GABRG3: variants seen among roughly 807,000 people sequenced by gnomAD.
GABRG3 encodes the protein gamma-aminobutyric acid receptor subunit gamma-3.
A neutral mutation model predicts 48.8 loss-of-function variants in GABRG3; 25 were observed. The ratio of observed to expected loss-of-function variants is 0.51; its 90% confidence interval spans 0.37 to 0.72. The LOEUF is 0.72. Among genes scored for constraint, GABRG3 ranks in the 30% least tolerant of loss-of-function variants. The pLI is 0.00. For synonymous variants in GABRG3, 227 were observed against 217.6 expected (o/e 1.04, Z -0.38); for missense variants, 394 against 577.9 (o/e 0.68, Z 3.26).
intron 5 of GABRG3, among the ~76,000 whole-genome samples, chr15:27,471,145 G>A (rs776441860): frequency 1.4e-4 from 22 of 152,134 alleles, no homozygotes; most frequent in Admixed American, 3.3e-4. Flanking sequence ...GATCGTTTAG[G>A]GGGTGGGGGC....
intron 5 of GABRG3, among the ~76,000 whole-genome samples, chr15:27,342,328 G>T (rs1156969063): frequency 6.6e-6 from 1 of 152,244 alleles, no homozygotes; most frequent in African/African-American, 2.4e-5. Context: ...CACAGCTAGT[G>T]TGTGGTTGAG....
rs895843632 is a variant in GABRG3, at chr15:27,533,996, C to A, written c.*1115C>A. 6.6e-6 allele frequency: 1 copy of A among 151,948 alleles called. No individual in the cohort carries two copies. The highest frequency in any genetic ancestry group is 2.4e-5 in the African/African-American group (1 of 41,332). The allele number at this position is 151,948 out of a possible 1,614,324, so 9.4% of individuals were successfully genotyped here. ...GGGACTACAGGTGTGCGCTACCACA[C>A]CCGGCTAATTTTTGTATTTTTGTTT... On this transcript the variant is annotated 3_prime_UTR_variant, in exon 10 of 10. Transcript: ENST00000615808.
At chr15:27,143,832 C>T (rs973624321) in intron 3 of GABRG3, among the ~76,000 whole-genome samples, 4 of 152,164 alleles carry the variant, frequency 2.6e-5, no homozygotes, top group Non-Finnish European at 5.9e-5. Flanking sequence ...TTATGTGTCC[C>T]TCTCTCAATC....
intron 5 of GABRG3, among the ~76,000 whole-genome samples, chr15:27,358,462 G>T (rs999132093): frequency 1.3e-5 from 2 of 152,062 alleles, no homozygotes; most frequent in Non-Finnish European, 2.9e-5. Context: ...TCAAGACGGG[G>T]AGGGAAGTGC....
intron 5 of GABRG3, among the ~76,000 whole-genome samples, chr15:27,416,596 G>A (rs1887947455): frequency 1.3e-5 from 2 of 152,168 alleles, no homozygotes; most frequent in Admixed American, 1.3e-4. Context: ...CAAAAGTGAG[G>A]GGGTTTTCGA....
rs540911327 is a variant in GABRG3 at position 27,286,303 on chromosome 15, G to A, written c.271-40506G>A. On this transcript the variant is annotated intron_variant, in intron 3 of 9. Coordinates refer to ENST00000615808, the MANE Select transcript of GABRG3 (RefSeq NM_033223.5). ...GCCACTTCTCTCCAGCATAAAGCAG[G>A]TGATGATGGTTCAGTTTGGAAGGTC... 3.0e-4 allele frequency among the ~76,000 whole-genome samples: 45 copies of A among 152,344 alleles called. 1 individual carries two copies. In the South Asian group the frequency reaches 8.7e-3, roughly 29 times the overall value.
At chr15:27,061,486 C>T (rs951902987) in intron 3 of GABRG3, among the ~76,000 whole-genome samples, 2 of 150,442 alleles carry the variant, frequency 1.3e-5, no homozygotes, top group South Asian at 2.1e-4. Context: ...TCATATTTTG[C>T]CCTTTCACTA....
chr15:27,404,903 G>T (rs1887586154), intron 5 of GABRG3, among the ~76,000 whole-genome samples: 1 of 152,210 alleles, frequency 6.6e-6, no homozygotes, highest in African/African-American at 2.4e-5. Context: ...GGCTCTTTCT[G>T]CTCTGTCATG....
intron 6 of GABRG3, among the ~76,000 whole-genome samples, chr15:27,515,241 C>T (rs1890991053): frequency 6.6e-6 from 1 of 151,780 alleles, no homozygotes; most frequent in Non-Finnish European, 1.5e-5. Context: ...TACAGGCATC[C>T]ACCACCACAC....
chr15:27,299,698 G>A (rs1261711081), intron 3 of GABRG3, among the ~76,000 whole-genome samples: 1 of 152,140 alleles, frequency 6.6e-6, no homozygotes, highest in Non-Finnish European at 1.5e-5. Flanking sequence ...GAAACTCTGA[G>A]ACAGAGGGAC....
At chr15:27,513,913 C>T (rs1890959639) in intron 6 of GABRG3, among the ~76,000 whole-genome samples, 1 of 152,110 alleles carries the variant, frequency 6.6e-6, no homozygotes, top group Non-Finnish European at 1.5e-5. Flanking sequence ...AAAAGACTTG[C>T]CAAAGCTTTA....
At chr15:27,439,697 T>C (rs1211157367) in intron 5 of GABRG3, among the ~76,000 whole-genome samples, 1 of 152,184 alleles carries the variant, frequency 6.6e-6, no homozygotes, top group Non-Finnish European at 1.5e-5. Context: ...CAAGACAGTG[T>C]ACACAGCACA....
intron 2 of GABRG3, among the ~76,000 whole-genome samples, chr15:27,005,883 G>A (rs1895574637): frequency 6.6e-6 from 1 of 152,136 alleles, no homozygotes; most frequent in African/African-American, 2.4e-5. Context: ...CTTTGGAAGT[G>A]GAACTACTTG....
intron 3 of GABRG3, among the ~76,000 whole-genome samples, chr15:27,269,812 C>CT (rs1419158667): frequency 6.6e-6 from 1 of 152,118 alleles, no homozygotes; most frequent in Non-Finnish European, 1.5e-5. Flanking sequence ...GCCGAATGAT[C>CT]TTTCATTGTT....
chr15:27,199,199 C>T (rs1029055214), intron 3 of GABRG3, among the ~76,000 whole-genome samples: 2 of 152,150 alleles, frequency 1.3e-5, no homozygotes, highest in Admixed American at 6.5e-5. Flanking sequence ...AAACGAACCA[C>T]GTATTGACAG....
intron 5 of GABRG3, among the ~76,000 whole-genome samples, chr15:27,414,653 A>G (rs1311694325): frequency 6.6e-6 from 1 of 152,152 alleles, no homozygotes; most frequent in African/African-American, 2.4e-5. Flanking sequence ...AGTTTTGCTT[A>G]ACTGGATGGT....
At chr15:27,516,536 A>AT (rs1418496071) in intron 6 of GABRG3, among the ~76,000 whole-genome samples, 1 of 152,174 alleles carries the variant, frequency 6.6e-6, no homozygotes, top group Non-Finnish European at 1.5e-5. Context: ...GTTGAAGTTG[A>AT]TTTGTCCAAG....
chr15:27,498,813 G>C (rs1295407162), intron 6 of GABRG3, among the ~76,000 whole-genome samples: 7 of 152,100 alleles, frequency 4.6e-5, no homozygotes, highest in Non-Finnish European at 7.4e-5. Context: ...GCCAGATGTG[G>C]GTTCATCTTT....
chr15:27,275,707 T>C (rs1016312588), intron 3 of GABRG3, among the ~76,000 whole-genome samples: 6 of 152,238 alleles, frequency 3.9e-5, no homozygotes, highest in African/African-American at 1.4e-4. Context: ...AAATGATCAG[T>C]TGTCCTCAGT....
Sources: gnomAD v4.1 joint callset for allele counts (sites outside exome capture counted in the v4.1 genomes callset) on GRCh38, gnomAD v4.1.1 for gene constraint, MANE v1.5 for transcripts, NCBI Gene and HGNC (gene_info 2026-07-23, HGNC 2026-07-21) for gene names.